ZNG1C: variants seen among roughly 807,000 people sequenced by gnomAD.
The protein encoded by ZNG1C is Zn regulated GTPase metalloprotein activator 1C.
the ZNG1C span, among the ~76,000 whole-genome samples, chr9:68,264,821 TTATATATATATATATATATA>T: frequency 7.2e-4 from 18 of 24,930 alleles, no homozygotes; most frequent in African/African-American, 2.3e-3. Flanking sequence ...GGATTGAAGA[TTATATATATATATATATATA>T]TATATATATA....
the ZNG1C span, among the ~76,000 whole-genome samples, chr9:68,279,064 G>A: frequency 1.4e-5 from 1 of 73,546 alleles, no homozygotes; most frequent in Non-Finnish European, 2.6e-5. Flanking sequence ...TTATGTAATG[G>A]CCTTCTTTGT....
At chr9:68,299,217 A>G in the ZNG1C span, 26 of 1,558,460 alleles carry the variant, frequency 1.7e-5, no homozygotes, top group Middle Eastern at 4.8e-4. Flanking sequence ...GCTTGTGGTC[A>G]ATGTTTCATC....
At chr9:68,281,567 T>C in the ZNG1C span, among the ~76,000 whole-genome samples, 2 of 99,242 alleles carry the variant, frequency 2.0e-5, no homozygotes, top group African/African-American at 3.7e-5. Flanking sequence ...GGCATGAGAA[T>C]GTGCAGCAGA....
the ZNG1C span, among the ~76,000 whole-genome samples, chr9:68,281,785 T>G: frequency 1.4e-5 from 2 of 142,978 alleles, no homozygotes; most frequent in Non-Finnish European, 3.0e-5. Flanking sequence ...TCATCAAGGT[T>G]CATCCATGTT....
At chr9:68,296,176 A>G in the ZNG1C span, among the ~76,000 whole-genome samples, 2 of 151,898 alleles carry the variant, frequency 1.3e-5, no homozygotes, top group Admixed American at 1.3e-4. Flanking sequence ...TGACCTGGAT[A>G]AGATTGGAGA....
At chr9:68,289,279 TG>T in the ZNG1C span, among the ~76,000 whole-genome samples, 1 of 149,260 alleles carries the variant, frequency 6.7e-6, no homozygotes, top group East Asian at 2.0e-4. Context: ...TGAAACATGT[TG>T]GTTACAGTGA....
At chr9:68,287,596 G>T in the ZNG1C span, among the ~76,000 whole-genome samples, 25 of 152,416 alleles carry the variant, frequency 1.6e-4, no homozygotes, top group Admixed American at 2.6e-4. Context: ...GTGCATAAGA[G>T]TAGAATAGTA....
the ZNG1C span, among the ~76,000 whole-genome samples, chr9:68,296,498 T>G: frequency 6.6e-6 from 1 of 152,272 alleles, no homozygotes; most frequent in Non-Finnish European, 1.5e-5. Flanking sequence ...AATTGGTCTT[T>G]AATACTTTAG....
the ZNG1C span, among the ~76,000 whole-genome samples, chr9:68,276,227 G>A: frequency 1.7e-5 from 2 of 115,710 alleles, no homozygotes; most frequent in African/African-American, 6.5e-5. Flanking sequence ...TGAGTAGGTT[G>A]CGAAAATTTT....
the ZNG1C span, chr9:68,299,323 T>G: frequency 8.2e-5 from 50 of 613,342 alleles, no homozygotes; most frequent in Middle Eastern, 4.4e-4. Context: ...GTGACTTTGA[T>G]GTACTGACCT....
At chr9:68,257,289 C>T in the ZNG1C span, among the ~76,000 whole-genome samples, 8 of 126,468 alleles carry the variant, frequency 6.3e-5, no homozygotes, top group Non-Finnish European at 1.0e-4. Flanking sequence ...CCGCCAGCCT[C>T]GGCCTCCCAA....
the ZNG1C span, chr9:68,257,033 T>TC: frequency 1.2e-4 from 25 of 203,396 alleles, no homozygotes; most frequent in Non-Finnish European, 1.9e-4. Context: ...TTTTTGTTTT[T>TC]TTTTTTTTTT....
the ZNG1C span, chr9:68,254,713 T>C: frequency 6.7e-6 from 1 of 148,542 alleles, no homozygotes; most frequent in African/African-American, 2.5e-5. Flanking sequence ...GCTTTTAGGC[T>C]CTGCTCTCTT....
At chr9:68,289,785 GTTTC>G in the ZNG1C span, among the ~76,000 whole-genome samples, 1 of 145,204 alleles carries the variant, frequency 6.9e-6, no homozygotes. Context: ...TCACTTTTCT[GTTTC>G]TTTCTGTGTC....
the ZNG1C span, among the ~76,000 whole-genome samples, chr9:68,258,942 TACTATTAA>T: frequency 0.014 from 1,285 of 93,852 alleles, 2 homozygotes; most frequent in African/African-American, 0.041. Flanking sequence ...CTTGTTAAAT[TACTATTAA>T]ACACACACTG....
the ZNG1C span, chr9:68,299,150 A>G: frequency 1.3e-6 from 2 of 1,572,834 alleles, no homozygotes; most frequent in African/African-American, 2.7e-5. Flanking sequence ...TTTGAAAGGG[A>G]TATCATGTGC....
the ZNG1C span, among the ~76,000 whole-genome samples, chr9:68,288,494 C>T: frequency 6.6e-6 from 1 of 151,830 alleles, no homozygotes; most frequent in African/African-American, 2.4e-5. Context: ...GACGGAGTCT[C>T]GCTCCGGCTG....
chr9:68,275,916 G>A, the ZNG1C span, among the ~76,000 whole-genome samples: 20 of 143,468 alleles, frequency 1.4e-4, no homozygotes, highest in South Asian at 6.9e-4. Context: ...TTACAGTCCC[G>A]CCAACAGTGT....
the ZNG1C span, among the ~76,000 whole-genome samples, chr9:68,282,866 G>GA: frequency 8.1e-6 from 1 of 123,814 alleles, no homozygotes; most frequent in South Asian, 2.6e-4. Context: ...GGAGTACCTG[G>GA]AAAAAATCAG....
Sources: gnomAD v4.1 joint callset for allele counts (sites outside exome capture counted in the v4.1 genomes callset) on GRCh38, gnomAD v4.1.1 for gene constraint, MANE v1.5 for transcripts, NCBI Gene and HGNC (gene_info 2026-07-23, HGNC 2026-07-21) for gene names.